NRG3: variants seen among roughly 807,000 people sequenced by gnomAD.
The protein encoded by NRG3 is neuregulin 3.
A neutral mutation model predicts 66.9 loss-of-function variants in NRG3; 31 were observed. The observed-to-expected ratio is 0.46, with a 90% confidence interval of 0.35 to 0.63. The LOEUF is 0.63. Among genes scored for constraint, NRG3 ranks in the 20% least tolerant of loss-of-function variants. The pLI is 0.00. For synonymous variants in NRG3, 393 were observed against 359.4 expected (o/e 1.09, Z -1.06); for missense variants, 910 against 878.9 (o/e 1.04, Z -0.45).
intron 2 of NRG3, among the ~76,000 whole-genome samples, chr10:82,565,612 T>C (rs1255551672): frequency 6.6e-6 from 1 of 152,032 alleles, no homozygotes; most frequent in East Asian, 1.9e-4. Context: ...TGATTTTTGT[T>C]TTTTGATCGG....
chr10:82,104,510 A>C (rs1289863747), intron 1 of NRG3, among the ~76,000 whole-genome samples: 1 of 152,202 alleles, frequency 6.6e-6, no homozygotes, highest in East Asian at 1.9e-4. Flanking sequence ...TGTTGCCACT[A>C]TCCGTCTTCA....
chr10:82,501,501 T>C (rs1184048148), intron 2 of NRG3, among the ~76,000 whole-genome samples: 1 of 151,980 alleles, frequency 6.6e-6, no homozygotes, highest in African/African-American at 2.4e-5. Flanking sequence ...GGCTTTCTGG[T>C]CTCTTATTTT....
chr10:82,130,205 G>C (rs1009452920), intron 1 of NRG3, among the ~76,000 whole-genome samples: 2 of 151,078 alleles, frequency 1.3e-5, no homozygotes, highest in Admixed American at 1.3e-4. Flanking sequence ...CTATATGTAT[G>C]TATCACTTTT....
chr10:82,930,214 C>T (rs1157838168), intron 4 of NRG3, among the ~76,000 whole-genome samples: 1 of 152,174 alleles, frequency 6.6e-6, no homozygotes, highest in Non-Finnish European at 1.5e-5. Flanking sequence ...AGAACCTGCA[C>T]ACCAGTTTTT....
intron 3 of NRG3, among the ~76,000 whole-genome samples, chr10:82,816,545 G>T (rs1162159581): frequency 6.6e-6 from 1 of 152,216 alleles, no homozygotes; most frequent in Non-Finnish European, 1.5e-5. Context: ...GGGCAGCCAT[G>T]GGTGGGCCCA....
intron 2 of NRG3, among the ~76,000 whole-genome samples, chr10:82,574,589 A>G (rs2045928602): frequency 2.0e-5 from 3 of 151,874 alleles, no homozygotes; most frequent in African/African-American, 7.2e-5. Flanking sequence ...GATATCCCAA[A>G]TACACAGATT....
At chr10:82,459,641 G>C (rs1266755351) in intron 2 of NRG3, among the ~76,000 whole-genome samples, 3 of 152,168 alleles carry the variant, frequency 2.0e-5, no homozygotes, top group African/African-American at 7.2e-5. Flanking sequence ...TCCTTTAAAT[G>C]TAGTCTGTGC....
chr10:81,881,328 C>T (rs1196630009), intron 1 of NRG3, among the ~76,000 whole-genome samples: 1 of 151,748 alleles, frequency 6.6e-6, no homozygotes, highest in East Asian at 1.9e-4. Context: ...AGTTAGAGTG[C>T]TTAAGTTGAT....
rs1853439526 is a variant in NRG3 at position 82,986,461 on chromosome 10, T to TG, written c.*857dup. The TG allele has an allele frequency of 6.6e-6, 1 of 152,216 alleles. No homozygotes were observed. Among genetic ancestry groups the TG allele is most frequent in the Admixed American group, 6.5e-5 (1 of 15,286 alleles). The allele number at this position is 152,216 out of a possible 1,614,324, so 9.4% of individuals were successfully genotyped here. ...CATGTGTTCATTGTGCGTATGTGTG[T>TG]GCATGTGTGCGCGTATTACGCTTGC... is the stretch of plus-strand genomic sequence containing the variant. On this transcript the variant is annotated 3_prime_UTR_variant, in exon 9 of 9. Transcript: ENST00000372141.
chr10:81,905,713 T>C (rs1212066412), intron 1 of NRG3, among the ~76,000 whole-genome samples: 1 of 152,236 alleles, frequency 6.6e-6, no homozygotes, highest in Non-Finnish European at 1.5e-5. Flanking sequence ...GCAGTTTAAC[T>C]GTGCCCAGTT....
At chr10:82,604,483 C>T (rs1202424131) in intron 2 of NRG3, among the ~76,000 whole-genome samples, 1 of 152,110 alleles carries the variant, frequency 6.6e-6, no homozygotes, top group Non-Finnish European at 1.5e-5. Context: ...ATTACAAATA[C>T]AGCTGTTATA....
chr10:82,890,451 A>G (rs529760822), intron 4 of NRG3, among the ~76,000 whole-genome samples: 1 of 152,156 alleles, frequency 6.6e-6, no homozygotes, highest in Admixed American at 6.6e-5. Flanking sequence ...CCCGAACAAA[A>G]CTGACTTAGA....
At chr10:81,880,238 G>A (rs1376881441) in intron 1 of NRG3, among the ~76,000 whole-genome samples, 1 of 152,060 alleles carries the variant, frequency 6.6e-6, no homozygotes, top group Admixed American at 6.6e-5. Context: ...GTTTGGACTC[G>A]TTGGTCTCCG....
At chr10:82,170,047 C>A (rs1399552771) in intron 1 of NRG3, among the ~76,000 whole-genome samples, 1 of 149,630 alleles carries the variant, frequency 6.7e-6, no homozygotes, top group East Asian at 2.0e-4. Context: ...TATTTTCTAT[C>A]TCCACTGTTT....
At chr10:82,266,396 C>G (rs187890116) in intron 1 of NRG3, among the ~76,000 whole-genome samples, 1 of 152,074 alleles carries the variant, frequency 6.6e-6, no homozygotes, top group South Asian at 2.1e-4. Flanking sequence ...GGGGCTACAG[C>G]GTGCAGAGTC....
At chr10:82,302,716 C>T (rs913625382) in intron 1 of NRG3, among the ~76,000 whole-genome samples, 3 of 152,062 alleles carry the variant, frequency 2.0e-5, no homozygotes, top group Non-Finnish European at 4.4e-5. Context: ...AACAAACTAG[C>T]CAGGACTCAA....
At chr10:82,621,349 T>C (rs763464319) in intron 2 of NRG3, among the ~76,000 whole-genome samples, 12 of 152,212 alleles carry the variant, frequency 7.9e-5, no homozygotes, top group Non-Finnish European at 1.5e-4. Context: ...CAAACAGACC[T>C]GGGGAAAATT....
intron 1 of NRG3, among the ~76,000 whole-genome samples, chr10:82,319,004 A>T (rs895869886): frequency 1.9e-4 from 29 of 152,172 alleles, no homozygotes; most frequent in African/African-American, 7.0e-4. Flanking sequence ...CCTCCCAAAC[A>T]TGTTTATTTT....
At chr10:82,712,508 C>T (rs137880212) in intron 2 of NRG3, among the ~76,000 whole-genome samples, 1,645 of 152,328 alleles carry the variant, frequency 0.011, 30 homozygotes, top group African/African-American at 0.038. Context: ...ATGGCCAACG[C>T]TTCCGAAGGA....
Sources: gnomAD v4.1 joint callset for allele counts (sites outside exome capture counted in the v4.1 genomes callset) on GRCh38, gnomAD v4.1.1 for gene constraint, MANE v1.5 for transcripts, NCBI Gene and HGNC (gene_info 2026-07-23, HGNC 2026-07-21) for gene names.